Variants in SCAPER observed in about 807,000 individuals in gnomAD.
SCAPER encodes the protein S-phase cyclin A associated protein in the ER.
Under a neutral mutation model 182.2 loss-of-function variants are expected in SCAPER, and 98 were observed. The observed-to-expected ratio is 0.54, with a 90% CI of 0.46 to 0.64. SCAPER has a LOEUF of 0.64. Ranked by LOEUF, SCAPER falls within the 30% of genes least tolerant of loss-of-function variation. SCAPER has a pLI of 0.00. For synonymous variants in SCAPER, 605 were observed against 564.6 expected (o/e 1.07, Z -1.01); for missense variants, 1,432 against 1,690.0 (o/e 0.85, Z 2.68).
Position 76,456,299 on chromosome 15 carries a change from G to A in SCAPER, c.3078+14913C>T, listed in dbSNP as rs1483900124. On this transcript the variant is annotated intron_variant, in intron 25 of 31. Transcript: ENST00000563290. ...ACACTCCCACCTGCAGTGTAAAAGC[G>A]TTCCTATTTCTCCACATCCTTGCCA... is the stretch of plus-strand genomic sequence containing the variant. Among the ~76,000 whole-genome samples the A allele has an allele frequency of 2.6e-5, 4 of 152,126 alleles. 1 individual carries two copies. The highest frequency in any genetic ancestry group is 1.9e-4 in the East Asian group (1 of 5,190).
intron 22 of SCAPER, among the ~76,000 whole-genome samples, chr15:76,575,260 C>T (rs951880947): frequency 6.6e-6 from 1 of 152,014 alleles, no homozygotes; most frequent in South Asian, 2.1e-4. Context: ...GGGAGTCAGA[C>T]CATGCAAAAT....
Position 76,765,682 on chromosome 15 carries a change from A to C in SCAPER, c.1420-44T>G, listed in dbSNP as rs773512042. ...AGTTGAAAATCAAATCTTTGAACAC[A>C]ATTACAACTTTAGAAAATGAACTAT... On this transcript the variant is annotated intron_variant, in intron 11 of 31. Coordinates refer to ENST00000563290, the MANE Select transcript of SCAPER (RefSeq NM_020843.4). The C allele has an allele frequency of 9.1e-6, 13 of 1,428,290 alleles. No homozygotes were observed. The South Asian group carries it at 1.6e-4, about 18-fold the overall frequency. 88.5% of individuals were successfully genotyped at this position (1,428,290 alleles called of 1,614,324 possible).
At chr15:76,374,332 G>A (rs1198151012) in intron 29 of SCAPER, among the ~76,000 whole-genome samples, 1 of 151,930 alleles carries the variant, frequency 6.6e-6, no homozygotes, top group Non-Finnish European at 1.5e-5. Context: ...AGGTTGCAGT[G>A]AGCCAAGATC....
rs779605329 is a variant in SCAPER at position 76,795,253 on chromosome 15, C to T, written c.772+27G>A. The T allele has an allele frequency of 2.5e-6, 4 of 1,597,806 alleles. No homozygotes were observed. In the South Asian group the frequency reaches 3.4e-5, roughly 14 times the overall value. On this transcript the variant is annotated intron_variant, in intron 8 of 31. Transcript: ENST00000563290. ...TCTATATATCCACCTGTTTACTACA[C>T]AAAATGGCTAATTCGAAGTCACTTG...
chr15:76,669,166 G>C (rs2056833142), intron 20 of SCAPER, among the ~76,000 whole-genome samples: 1 of 151,998 alleles, frequency 6.6e-6, no homozygotes, highest in Non-Finnish European at 1.5e-5. Flanking sequence ...CTGAGCTACA[G>C]AGTTGTGCTC....
At chr15:76,701,220 T>A (rs1299217333) in intron 20 of SCAPER, among the ~76,000 whole-genome samples, 1 of 152,116 alleles carries the variant, frequency 6.6e-6, no homozygotes, top group Non-Finnish European at 1.5e-5. Flanking sequence ...TATTCTTGAG[T>A]AGTTTTAAAA....
chr15:76,365,836 G>T (rs1429501698), intron 29 of SCAPER, among the ~76,000 whole-genome samples: 1 of 152,034 alleles, frequency 6.6e-6, no homozygotes, highest in Non-Finnish European at 1.5e-5. Flanking sequence ...ATCTCTGAAG[G>T]CCTGTGAACC....
chr15:76,864,714 G>T (rs1426979695), intron 2 of SCAPER, among the ~76,000 whole-genome samples: 11 of 151,148 alleles, frequency 7.3e-5, no homozygotes, highest in Non-Finnish European at 1.2e-4. Context: ...TTTTATTTTA[G>T]GCTTTGCAGG....
intron 21 of SCAPER, among the ~76,000 whole-genome samples, chr15:76,638,942 C>T (rs943401225): frequency 3.3e-5 from 5 of 152,120 alleles, no homozygotes; most frequent in Admixed American, 3.3e-4. Flanking sequence ...AACTGAGACA[C>T]TAACAGGTTA....
intron 22 of SCAPER, among the ~76,000 whole-genome samples, chr15:76,620,520 C>T (rs2051932271): frequency 6.6e-6 from 1 of 152,042 alleles, no homozygotes; most frequent in South Asian, 2.1e-4. Flanking sequence ...ATTACAATGC[C>T]TAATACTTTC....
intron 25 of SCAPER, among the ~76,000 whole-genome samples, chr15:76,459,044 G>C (rs2048952992): frequency 6.6e-6 from 1 of 152,050 alleles, no homozygotes; most frequent in African/African-American, 2.4e-5. Context: ...ACAGGCATGT[G>C]CCACCATGCC....
chr15:76,892,742 C>G (rs1314180354), intron 1 of SCAPER, among the ~76,000 whole-genome samples: 1 of 152,150 alleles, frequency 6.6e-6, no homozygotes, highest in Non-Finnish European at 1.5e-5. Flanking sequence ...ATTAGTTCAA[C>G]CATTGTGGAA....
chr15:76,570,511 T>C (rs1400463864), intron 23 of SCAPER, among the ~76,000 whole-genome samples: 1 of 151,110 alleles, frequency 6.6e-6, no homozygotes, highest in Non-Finnish European at 1.5e-5. Flanking sequence ...TTGTCATCAG[T>C]GGAAGGACAG....
Position 76,655,797 on chromosome 15 carries a change from T to C in SCAPER, c.2645+9856A>G, listed in dbSNP as rs531272529. ...AAATTCCAACCAAGGACTTTAAATC[T>C]AGAAAAACTAAGCTTCATAAGGGAA... On this transcript the variant is annotated intron_variant, in intron 21 of 31. Coordinates refer to ENST00000563290, the MANE Select transcript of SCAPER (RefSeq NM_020843.4). Among the ~76,000 whole-genome samples, 33 of 152,258 alleles carry C rather than the reference T, an allele frequency of 2.2e-4. No homozygotes were observed. The South Asian group carries it at 4.8e-3, about 22-fold the overall frequency.
chr15:76,849,042 C>T (rs753076078), intron 4 of SCAPER, among the ~76,000 whole-genome samples: 1 of 152,140 alleles, frequency 6.6e-6, no homozygotes, highest in Non-Finnish European at 1.5e-5. Context: ...TAGGGGAGGA[C>T]ACAAAGAGCC....
chr15:76,498,181 T>C (rs772710710), intron 24 of SCAPER, among the ~76,000 whole-genome samples: 20 of 152,100 alleles, frequency 1.3e-4, no homozygotes, highest in Non-Finnish European at 2.8e-4. Context: ...GAGTTTAATA[T>C]GTCTCATTTT....
intron 20 of SCAPER, among the ~76,000 whole-genome samples, chr15:76,688,594 G>C (rs2058166264): frequency 6.6e-6 from 1 of 151,970 alleles, no homozygotes; most frequent in Non-Finnish European, 1.5e-5. Context: ...AATTCATCTT[G>C]AGTTAATTTT....
At chr15:76,799,515 G>A (rs949782567) in intron 7 of SCAPER, among the ~76,000 whole-genome samples, 6 of 151,800 alleles carry the variant, frequency 4.0e-5, no homozygotes, top group African/African-American at 2.4e-5. Flanking sequence ...CTCCCACCTC[G>A]GCTCCCCAAA....
At chr15:76,362,345 C>T (rs1005520579) in intron 29 of SCAPER, among the ~76,000 whole-genome samples, 1 of 151,718 alleles carries the variant, frequency 6.6e-6, no homozygotes, top group African/African-American at 2.4e-5. Flanking sequence ...TATTCCCTGA[C>T]CATACCAAAC....
Sources: gnomAD v4.1 joint callset for allele counts (sites outside exome capture counted in the v4.1 genomes callset) on GRCh38, gnomAD v4.1.1 for gene constraint, MANE v1.5 for transcripts, NCBI Gene and HGNC (gene_info 2026-07-23, HGNC 2026-07-21) for gene names.